CDH18: variants seen among roughly 807,000 people sequenced by gnomAD.
CDH18 encodes cadherin 18, also known as cadherin-18.
Under a neutral mutation model 67.9 loss-of-function variants are expected in CDH18, and 31 were observed. That is an observed-to-expected ratio of 0.46 (90% CI 0.34 to 0.62). The LOEUF (loss-of-function observed/expected upper bound fraction) is 0.62. Ranked by LOEUF, CDH18 falls within the 20% of genes least tolerant of loss-of-function variation. The pLI is 0.01. For synonymous variants in CDH18, 362 were observed against 347.2 expected (o/e 1.04, Z -0.48); for missense variants, 890 against 975.5 (o/e 0.91, Z 1.17).
intron 12 of CDH18, among the ~76,000 whole-genome samples, chr5:19,481,964 T>C (rs2126578662): frequency 6.6e-6 from 1 of 152,294 alleles, no homozygotes; most frequent in East Asian, 1.9e-4. Flanking sequence ...CTATCTTGTT[T>C]CAAAGAGCAT....
intron 2 of CDH18, among the ~76,000 whole-genome samples, chr5:20,033,753 C>G (rs1039063850): frequency 6.6e-6 from 1 of 151,990 alleles, no homozygotes; most frequent in African/African-American, 2.4e-5. Flanking sequence ...AAAAACTAAT[C>G]TAGTCCATTA....
chr5:19,660,723 C>T (rs1054762326), intron 5 of CDH18, among the ~76,000 whole-genome samples: 3 of 151,944 alleles, frequency 2.0e-5, no homozygotes, highest in African/African-American at 7.2e-5. Flanking sequence ...GTAGAAGTTT[C>T]TGTGTTTTGG....
chr5:20,137,899 GT>G (rs1749876302), intron 2 of CDH18, among the ~76,000 whole-genome samples: 1 of 152,044 alleles, frequency 6.6e-6, no homozygotes, highest in Admixed American at 6.6e-5. Flanking sequence ...AGAGGAGCTG[GT>G]ACCATTCCTT....
chr5:20,115,706 T>A (rs2126377638), intron 2 of CDH18, among the ~76,000 whole-genome samples: 1 of 152,232 alleles, frequency 6.6e-6, no homozygotes, highest in Admixed American at 6.5e-5. Flanking sequence ...GAATCCTCCA[T>A]GGGTTATACC....
chr5:20,121,982 T>C (rs572317475), intron 2 of CDH18, among the ~76,000 whole-genome samples: 1 of 152,302 alleles, frequency 6.6e-6, no homozygotes, highest in Admixed American at 6.5e-5. Flanking sequence ...TCATAGTCAT[T>C]GTAACTTCAC....
At chr5:19,728,149 ATTAT>A (rs1767107088) in intron 4 of CDH18, among the ~76,000 whole-genome samples, 1 of 152,176 alleles carries the variant, frequency 6.6e-6, no homozygotes, top group Non-Finnish European at 1.5e-5. Context: ...TTCTCTGGGA[ATTAT>A]TATATAGATT....
At chr5:19,724,926 GC>G (rs1319555131) in intron 4 of CDH18, among the ~76,000 whole-genome samples, 26 of 128,356 alleles carry the variant, frequency 2.0e-4, no homozygotes, top group African/African-American at 6.7e-4. Flanking sequence ...GCATATTAAG[GC>G]CTTTTTTTTT....
rs558992241 is a variant in CDH18 at position 20,309,287 on chromosome 5, A to G, written c.-579-53782T>C. On this transcript the variant is annotated intron_variant, in intron 1 of 14. Coordinates refer to the CDH18 transcript ENST00000507958. ...ATTTCCTCCCTTTTTCTTTTCATTT[A>G]TGCCTCTTCACCTAATGCAAGCCTA... Among the ~76,000 whole-genome samples, 129 of 152,220 alleles carry G rather than the reference A, an allele frequency of 8.5e-4. 1 individual carries two copies. The highest frequency in any genetic ancestry group is 3.4e-3 in the Middle Eastern group (1 of 294).
intron 2 of CDH18, among the ~76,000 whole-genome samples, chr5:19,848,780 GCATATAAAATGCTATACATATATAT>G (rs1783303813): frequency 6.6e-6 from 1 of 150,966 alleles, no homozygotes; most frequent in Non-Finnish European, 1.5e-5. Context: ...AAAGATGATA[GCATATAAAATGCTATACATATATAT>G]CATATAAAAT....
At chr5:20,512,921 T>C (rs990803225) in intron 1 of CDH18, among the ~76,000 whole-genome samples, 2 of 151,898 alleles carry the variant, frequency 1.3e-5, no homozygotes, top group Admixed American at 6.6e-5. Context: ...CTCTGATGCT[T>C]GTCCTCCAAG....
intron 2 of CDH18, among the ~76,000 whole-genome samples, chr5:20,109,103 G>A (rs960038781): frequency 6.6e-6 from 1 of 152,102 alleles, no homozygotes; most frequent in Non-Finnish European, 1.5e-5. Context: ...GATGCCAAAG[G>A]TAACATATTA....
chr5:20,274,031 C>T (rs1226458171), intron 1 of CDH18, among the ~76,000 whole-genome samples: 1 of 152,038 alleles, frequency 6.6e-6, no homozygotes, highest in Non-Finnish European at 1.5e-5. Context: ...GGAGACAAAA[C>T]ATTATGCAAC....
intron 2 of CDH18, among the ~76,000 whole-genome samples, chr5:19,872,975 G>A (rs4242067): frequency 0.96 from 145,524 of 152,196 alleles, 69,707 homozygotes; most frequent in Non-Finnish European, 0.98. Context: ...GGATAATCTT[G>A]TCAAAGGACA....
chr5:20,205,917 C>T (rs750711996), intron 2 of CDH18, among the ~76,000 whole-genome samples: 1 of 151,678 alleles, frequency 6.6e-6, no homozygotes, highest in East Asian at 1.9e-4. Context: ...CTTAAATAAA[C>T]AAGTGACACA....
intron 5 of CDH18, among the ~76,000 whole-genome samples, chr5:19,629,852 A>G (rs1185184763): frequency 2.0e-5 from 3 of 152,208 alleles, no homozygotes; most frequent in African/African-American, 7.2e-5. Context: ...AGAAAAATAG[A>G]CAACATATCA....
chr5:19,970,901 C>G (rs1797961006), intron 2 of CDH18, among the ~76,000 whole-genome samples: 1 of 151,522 alleles, frequency 6.6e-6, no homozygotes, highest in Non-Finnish European at 1.5e-5. Flanking sequence ...TTTTTAAAAA[C>G]AGATAGTGAA....
At chr5:19,685,107 A>T (rs957213337) in intron 5 of CDH18, among the ~76,000 whole-genome samples, 5 of 152,182 alleles carry the variant, frequency 3.3e-5, no homozygotes, top group Non-Finnish European at 5.9e-5. Flanking sequence ...CTTCTGTGGA[A>T]CCAAAGAGAA....
At chr5:19,577,298 T>C (rs929447975) in intron 7 of CDH18, among the ~76,000 whole-genome samples, 64 of 152,304 alleles carry the variant, frequency 4.2e-4, no homozygotes, top group African/African-American at 1.4e-3. Context: ...CATGTACCAA[T>C]CACATTGTAC....
chr5:19,524,459 AACAT>A (rs1482413137), intron 9 of CDH18, among the ~76,000 whole-genome samples: 1 of 150,976 alleles, frequency 6.6e-6, no homozygotes, highest in Non-Finnish European at 1.5e-5. Context: ...TTTCAAAACT[AACAT>A]AATAATTAGT....
Sources: allele counts gnomAD v4.1 joint callset (sites outside exome capture counted in the v4.1 genomes callset), GRCh38; gene constraint gnomAD v4.1.1; transcripts MANE v1.5; gene names NCBI Gene and HGNC (gene_info 2026-07-23, HGNC 2026-07-21).